Variants in CHST9 observed in about 807,000 individuals in gnomAD.
CHST9 encodes GalNAc-4-sulfotransferase 2.
Under a neutral mutation model 44.4 loss-of-function variants are expected in CHST9, and 41 were observed. The observed-to-expected ratio is 0.92, with a 90% CI of 0.72 to 1.20. CHST9 has a LOEUF of 1.20. Among genes scored for constraint, CHST9 ranks in the 50% most tolerant of loss-of-function variants. The pLI is 0.00. For missense variants in CHST9, 504 were observed against 516.5 expected (o/e 0.98, Z 0.23); for synonymous variants, 171 against 178.4 (o/e 0.96, Z 0.33).
chr18:27,051,692 TGAGA>T (rs2057569037), intron 2 of CHST9, among the ~76,000 whole-genome samples: 1 of 152,152 alleles, frequency 6.6e-6, no homozygotes, highest in African/African-American at 2.4e-5. Flanking sequence ...ACTGTAATTT[TGAGA>T]AAGCCAAAAC....
intron 1 of CHST9, among the ~76,000 whole-genome samples, chr18:27,144,290 T>G (rs1041944848): frequency 6.6e-6 from 1 of 152,198 alleles, no homozygotes; most frequent in Non-Finnish European, 1.5e-5. Context: ...TGATTTTGCC[T>G]AAGAGGTGTT....
intron 4 of CHST9, among the ~76,000 whole-genome samples, chr18:26,990,906 T>C (rs1164810979): frequency 6.6e-6 from 1 of 152,186 alleles, no homozygotes; most frequent in East Asian, 1.9e-4. Context: ...TTATTTTTCT[T>C]CAACATGCTT....
intron 1 of CHST9, among the ~76,000 whole-genome samples, chr18:27,147,446 G>T (rs1046102193): frequency 6.6e-6 from 1 of 152,148 alleles, no homozygotes; most frequent in Admixed American, 6.5e-5. Context: ...CAGTTTAGCA[G>T]AAAAGAAACC....
chr18:27,001,533 G>A (rs995587740), intron 4 of CHST9, among the ~76,000 whole-genome samples: 11 of 152,194 alleles, frequency 7.2e-5, no homozygotes, highest in Non-Finnish European at 1.5e-4. Flanking sequence ...AGAGAGAAAA[G>A]AAGGTTCATG....
At chr18:27,152,729 T>G (rs1250038879) in intron 1 of CHST9, among the ~76,000 whole-genome samples, 1 of 152,030 alleles carries the variant, frequency 6.6e-6, no homozygotes, top group Non-Finnish European at 1.5e-5. Context: ...AAGAGACCAA[T>G]GTAGATAGAG....
At chr18:27,056,526 GA>G (rs756001632) in intron 2 of CHST9, among the ~76,000 whole-genome samples, 1 of 152,096 alleles carries the variant, frequency 6.6e-6, no homozygotes, top group Non-Finnish European at 1.5e-5. Flanking sequence ...CTGGAAATGG[GA>G]GTAATACAAG....
chr18:27,123,972 C>T (rs555688416), intron 2 of CHST9, among the ~76,000 whole-genome samples: 5 of 152,252 alleles, frequency 3.3e-5, no homozygotes, highest in Admixed American at 1.3e-4. Flanking sequence ...TGCGGACAGA[C>T]GTATGCCCTT....
chr18:27,170,856 T>C (rs1271973734), intron 1 of CHST9, among the ~76,000 whole-genome samples: 1 of 152,212 alleles, frequency 6.6e-6, no homozygotes, highest in Non-Finnish European at 1.5e-5. Context: ...GTACAAATAA[T>C]ATTAGTCCCA....
chr18:27,057,635 G>A (rs1438499068), intron 2 of CHST9, among the ~76,000 whole-genome samples: 1 of 152,224 alleles, frequency 6.6e-6, no homozygotes, highest in Non-Finnish European at 1.5e-5. Context: ...CAGACAGTGT[G>A]TACTGAGATA....
intron 4 of CHST9, among the ~76,000 whole-genome samples, chr18:26,970,322 A>G (rs1254693002): frequency 1.3e-5 from 2 of 152,192 alleles, no homozygotes; most frequent in Admixed American, 6.5e-5. Flanking sequence ...CTCAACTCTC[A>G]ACTCTTCTTT....
chr18:26,963,847 A>C (rs1226900660), intron 4 of CHST9, among the ~76,000 whole-genome samples: 1 of 152,200 alleles, frequency 6.6e-6, no homozygotes, highest in Non-Finnish European at 1.5e-5. Context: ...CATGAGGACT[A>C]AACGATATCA....
At chr18:27,041,798 C>T (rs1012364500) in intron 3 of CHST9, among the ~76,000 whole-genome samples, 37 of 152,154 alleles carry the variant, frequency 2.4e-4, no homozygotes, top group South Asian at 8.3e-4. Flanking sequence ...ATCATAAATT[C>T]GACTGGCTGG....
intron 1 of CHST9, among the ~76,000 whole-genome samples, chr18:27,143,272 C>T (rs72884376): frequency 0.097 from 14,756 of 152,098 alleles, 765 homozygotes; most frequent in East Asian, 0.15. Context: ...GAAAAACATG[C>T]TTGTAGAATG....
intron 1 of CHST9, among the ~76,000 whole-genome samples, chr18:27,143,357 T>C (rs28430781): frequency 0.011 from 1,712 of 152,218 alleles, 25 homozygotes; most frequent in African/African-American, 0.036. Context: ...TTTTCTCTCA[T>C]ATAAAGTAAC....
intron 2 of CHST9, among the ~76,000 whole-genome samples, chr18:27,129,324 C>G (rs1022263217): frequency 2.0e-5 from 3 of 152,006 alleles, no homozygotes; most frequent in African/African-American, 7.2e-5. Context: ...TGCAACTTGC[C>G]ACCAAACCTC....
At chr18:27,024,903 T>A (rs2057267539) in intron 3 of CHST9, among the ~76,000 whole-genome samples, 1 of 152,046 alleles carries the variant, frequency 6.6e-6, no homozygotes, top group Admixed American at 6.6e-5. Context: ...TAACATAGTA[T>A]ATTTCTTCTG....
At position 27,074,029 on chromosome 18, in the gene CHST9, G is replaced by A. The variant is rs77186354; in HGVS notation, c.122-25526C>T. Reference sequence around the variant, plus strand: ...CAATAACTGAGACACAGAACAACATGTCTTACCTAAAGCAGCATATATTTG... The same window carrying A: ...CAATAACTGAGACACAGAACAACATATCTTACCTAAAGCAGCATATATTTG... On this transcript the variant is annotated intron_variant, in intron 2 of 5. Transcript: ENST00000618847. Among the ~76,000 whole-genome samples, 1,418 of 152,192 alleles carry A rather than the reference G, an allele frequency of 9.3e-3. 19 individuals are homozygous for A. Among genetic ancestry groups the A allele is most frequent in the African/African-American group, 0.032 (1,323 of 41,522 alleles).
At chr18:26,989,302 G>A (rs1188883531) in intron 4 of CHST9, among the ~76,000 whole-genome samples, 1 of 152,118 alleles carries the variant, frequency 6.6e-6, no homozygotes, top group African/African-American at 2.4e-5. Flanking sequence ...GGAAGATATA[G>A]GGATGGCAAA....
chr18:27,000,392 T>C (rs925632820), intron 4 of CHST9, among the ~76,000 whole-genome samples: 3 of 152,364 alleles, frequency 2.0e-5, no homozygotes, highest in South Asian at 4.1e-4. Context: ...GGTGTTCACT[T>C]ACGAAGGGAC....
Sources: allele counts gnomAD v4.1 joint callset (sites outside exome capture counted in the v4.1 genomes callset), GRCh38; gene constraint gnomAD v4.1.1; transcripts MANE v1.5; gene names NCBI Gene and HGNC (gene_info 2026-07-23, HGNC 2026-07-21).